Variants in PTPRR observed in about 807,000 individuals in gnomAD.
PTPRR encodes receptor-type tyrosine-protein phosphatase R.
In PTPRR, 38 loss-of-function variants were observed where a neutral mutation model predicts 77.2. That is an observed-to-expected ratio of 0.49 (90% CI 0.38 to 0.65). PTPRR has a LOEUF of 0.65. Ranked by LOEUF, PTPRR falls within the 30% of genes least tolerant of loss-of-function variation. PTPRR has a pLI of 0.00. For missense variants in PTPRR, 744 were observed against 799.2 expected, an observed-to-expected ratio of 0.93 and a Z score of 0.83; for synonymous variants, 299 against 283.1, an observed-to-expected ratio of 1.06 and a Z score of -0.57.
In PTPRR at chr12:70,639,006, C is replaced by T. The variant is rs1241944273; in HGVS notation, c.*178G>A. 1.6e-6 allele frequency: 1 copy of T among 618,052 alleles called. No individual in the cohort carries two copies. The highest frequency in any genetic ancestry group is 2.7e-5 in the East Asian group (1 of 37,468). The allele number at this position is 618,052 out of a possible 1,614,324, so 38.3% of individuals were successfully genotyped here. A position where few individuals can be genotyped will look rare whatever the true frequency, so the allele number is the denominator to read the frequency against. On this transcript the variant is annotated 3_prime_UTR_variant, in exon 14 of 14. Coordinates refer to ENST00000283228, the MANE Select transcript of PTPRR (RefSeq NM_002849.4). ...TTTGGGGGATGCTTACAAATGCATT[C>T]ATATACACAAGGAGCTGGAAATCTT...
chr12:70,672,806 A>T, intron 10 of PTPRR: 1 of 1,565,560 alleles, frequency 6.4e-7, no homozygotes, highest in Non-Finnish European at 8.7e-7. Flanking sequence ...AAGAAGGGAG[A>T]TGAAGTCCAG....
At chr12:70,766,800 A>T (rs978719826) in intron 2 of PTPRR, among the ~76,000 whole-genome samples, 1 of 152,214 alleles carries the variant, frequency 6.6e-6, no homozygotes, top group Non-Finnish European at 1.5e-5. Context: ...AGCCCATCAG[A>T]CTAACAGCGG....
Position 70,714,458 on chromosome 12 carries a change from T to C in PTPRR, c.1008-13135A>G, listed in dbSNP as rs1024488966. ...CTTACAAAGACAAATATAAATTGGATCATAAAATTTCATATAGTTTTGCAA... is the reference window on the plus strand; with the variant it reads ...CTTACAAAGACAAATATAAATTGGACCATAAAATTTCATATAGTTTTGCAA... On this transcript the variant is annotated intron_variant, in intron 6 of 13. Transcript: ENST00000283228. Among the ~76,000 whole-genome samples the C allele has an allele frequency of 3.9e-5, 6 of 152,162 alleles. 1 individual carries two copies. Among genetic ancestry groups the C allele is most frequent in the Admixed American group, 3.9e-4 (6 of 15,272 alleles).
chr12:70,854,294 G>A (rs943313108), intron 2 of PTPRR, among the ~76,000 whole-genome samples: 5 of 152,140 alleles, frequency 3.3e-5, no homozygotes, highest in Admixed American at 2.0e-4. Context: ...GAAGGAAAAC[G>A]CAGAGCAAAG....
At chr12:70,786,127 C>T (rs889665120) in intron 2 of PTPRR, among the ~76,000 whole-genome samples, 3 of 152,114 alleles carry the variant, frequency 2.0e-5, no homozygotes, top group African/African-American at 4.8e-5. Context: ...GTCTGAAAAA[C>T]GAGGTCAGAC....
intron 2 of PTPRR, among the ~76,000 whole-genome samples, chr12:70,818,200 C>T (rs1891939480): frequency 6.9e-6 from 1 of 144,588 alleles, no homozygotes; most frequent in African/African-American, 2.6e-5. Context: ...CATGCCATTG[C>T]ACTCCAGCCT....
At chr12:70,676,330 T>C (rs1413078330) in intron 10 of PTPRR, among the ~76,000 whole-genome samples, 1 of 152,060 alleles carries the variant, frequency 6.6e-6, no homozygotes, top group Non-Finnish European at 1.5e-5. Context: ...TTATTTCTAG[T>C]ATTTGTTGTT....
chr12:70,904,049 G>A (rs964798962), intron 1 of PTPRR, among the ~76,000 whole-genome samples: 4 of 151,816 alleles, frequency 2.6e-5, no homozygotes, highest in African/African-American at 9.7e-5. Flanking sequence ...TTGCTAAAAT[G>A]AAATGTACTA....
intron 2 of PTPRR, among the ~76,000 whole-genome samples, chr12:70,854,400 T>C (rs1565719190): frequency 6.6e-6 from 1 of 152,238 alleles, no homozygotes; most frequent in Non-Finnish European, 1.5e-5. Context: ...GAGGTCACTC[T>C]ATGCCATGTG....
chr12:70,820,846 C>T (rs547343485), intron 2 of PTPRR, among the ~76,000 whole-genome samples: 1 of 152,346 alleles, frequency 6.6e-6, no homozygotes, highest in East Asian at 1.9e-4. Context: ...CACCACTCCA[C>T]TTTTCCTATC....
intron 1 of PTPRR, among the ~76,000 whole-genome samples, chr12:70,917,428 A>AT (rs534448866): frequency 1.3e-5 from 2 of 152,126 alleles, no homozygotes; most frequent in Non-Finnish European, 2.9e-5. Context: ...CTAGATCTTC[A>AT]TTTTCTCACC....
intron 2 of PTPRR, among the ~76,000 whole-genome samples, chr12:70,828,788 C>T (rs1892160545): frequency 6.6e-6 from 1 of 152,208 alleles, no homozygotes; most frequent in South Asian, 2.1e-4. Context: ...ATAAATTTCT[C>T]AGAATAAACC....
intron 2 of PTPRR, among the ~76,000 whole-genome samples, chr12:70,859,999 C>T (rs1271750364): frequency 6.6e-6 from 1 of 151,974 alleles, no homozygotes; most frequent in Non-Finnish European, 1.5e-5. Context: ...TATGTACCCA[C>T]TCCAAGTCAT....
intron 4 of PTPRR, among the ~76,000 whole-genome samples, chr12:70,755,897 C>G (rs748310937): frequency 5.9e-5 from 9 of 151,924 alleles, no homozygotes; most frequent in Non-Finnish European, 1.2e-4. Context: ...TAGCTGGAAA[C>G]TAATAGAAAA....
chr12:70,763,000 A>G (rs1430435272), intron 3 of PTPRR, among the ~76,000 whole-genome samples: 2 of 152,116 alleles, frequency 1.3e-5, no homozygotes, highest in Non-Finnish European at 2.9e-5. Flanking sequence ...TATGTATAAA[A>G]GTATATCTAA....
chr12:70,735,842 T>G (rs918816262), intron 6 of PTPRR, among the ~76,000 whole-genome samples: 3 of 152,174 alleles, frequency 2.0e-5, no homozygotes, highest in Admixed American at 2.0e-4. Context: ...GCACAGTGGT[T>G]GGCAGGTGGC....
chr12:70,796,597 A>T (rs1385093040), intron 2 of PTPRR, among the ~76,000 whole-genome samples: 1 of 152,246 alleles, frequency 6.6e-6, no homozygotes, highest in East Asian at 1.9e-4. Context: ...CCAAGGTAGA[A>T]AACACATCTC....
intron 2 of PTPRR, among the ~76,000 whole-genome samples, chr12:70,778,893 T>G (rs1195894391): frequency 6.6e-6 from 1 of 152,244 alleles, no homozygotes; most frequent in African/African-American, 2.4e-5. Flanking sequence ...TTGCCTAGGC[T>G]GGAGTGCAGT....
chr12:70,867,652 C>CTT (rs1892879319), intron 2 of PTPRR, among the ~76,000 whole-genome samples: 1 of 151,728 alleles, frequency 6.6e-6, no homozygotes, highest in East Asian at 1.9e-4. Context: ...CATCAAGCTA[C>CTT]CAATGACTTT....
Sources: allele counts gnomAD v4.1 joint callset (sites outside exome capture counted in the v4.1 genomes callset), GRCh38; gene constraint gnomAD v4.1.1; transcripts MANE v1.5; gene names NCBI Gene and HGNC (gene_info 2026-07-23, HGNC 2026-07-21).